The following NEMF variants were observed in gnomAD, a reference collection of about 807,000 sequenced individuals.
NEMF encodes ribosome quality control complex subunit NEMF.
NEMF carries 89 observed loss-of-function variants against 162.2 expected under a neutral mutation model. That is an observed-to-expected ratio of 0.55 (90% CI 0.46 to 0.65). NEMF has a LOEUF of 0.65. Among genes scored for constraint, NEMF ranks in the 30% least tolerant of loss-of-function variants. NEMF has a pLI of 0.00. For missense variants in NEMF, 1,133 were observed against 1,261.9 expected, an observed-to-expected ratio of 0.90 and a Z score of 1.55; for synonymous variants, 421 against 404.5, an observed-to-expected ratio of 1.04 and a Z score of -0.49.
At chr14:49,804,137 TG>T (rs1271373155) in intron 19 of NEMF, among the ~76,000 whole-genome samples, 1 of 151,136 alleles carries the variant, frequency 6.6e-6, no homozygotes, top group Non-Finnish European at 1.5e-5. Flanking sequence ...CCCAGGTACC[TG>T]GGATTACAGG....
In NEMF at chr14:49,808,979, A is replaced by C. The variant is rs118067284; in HGVS notation, c.1745-2846T>G. ...GGAAATGCAAATTACAACAACATTG[A>C]AATACACTATGCATCAATGATAATG... is the stretch of plus-strand genomic sequence containing the variant. On this transcript the variant is annotated intron_variant, in intron 18 of 32. Coordinates refer to ENST00000298310, the MANE Select transcript of NEMF (RefSeq NM_004713.6). Among the ~76,000 whole-genome samples, 46 of 152,302 alleles carry C rather than the reference A, an allele frequency of 3.0e-4. 1 individual carries two copies. In the East Asian group the frequency reaches 8.7e-3, roughly 29 times the overall value.
intron 3 of NEMF, among the ~76,000 whole-genome samples, chr14:49,848,847 A>T (rs1893638459): frequency 6.6e-6 from 1 of 151,628 alleles, no homozygotes; most frequent in Non-Finnish European, 1.5e-5. Context: ...AAAAAAAAAA[A>T]AAAAAAAGAC....
In NEMF at chr14:49,851,954, C is replaced by T. The variant is rs151181533; in HGVS notation, c.60-79G>A. ...ACTACACATAATTTAATAAAAGCTT[C>T]GAAAGAGCGGATCTCAGTCTCTAAG... On this transcript the variant is annotated intron_variant, in intron 1 of 32. Coordinates refer to ENST00000298310, the MANE Select transcript of NEMF (RefSeq NM_004713.6). 422 of 876,524 alleles carry T rather than the reference C, an allele frequency of 4.8e-4. 1 individual carries two copies. The African/African-American group carries it at 5.5e-3, about 11-fold the overall frequency. 54.3% of individuals were successfully genotyped at this position (876,524 alleles called of 1,614,324 possible).
At chr14:49,815,695 T>A (rs1891681657) in intron 16 of NEMF, among the ~76,000 whole-genome samples, 1 of 152,212 alleles carries the variant, frequency 6.6e-6, no homozygotes, top group Non-Finnish European at 1.5e-5. Flanking sequence ...CTGGACACGG[T>A]GCCTCACGCC....
chr14:49,799,300 C>T (rs1471077383), intron 25 of NEMF, among the ~76,000 whole-genome samples, 175 bp downstream of exon 25: 3 of 149,234 alleles, frequency 2.0e-5, no homozygotes, highest in Non-Finnish European at 4.4e-5. Flanking sequence ...AGATTAGGGC[C>T]CTTAAACAGA....
At position 49,801,947 on chromosome 14, in the gene NEMF, T is replaced by G. The variant is rs569852714; in HGVS notation, c.2095+506A>C. Among the ~76,000 whole-genome samples, 236 of 147,030 alleles carry G rather than the reference T, an allele frequency of 1.6e-3. 3 individuals carry two copies. The highest frequency in any genetic ancestry group is 0.01 in the Middle Eastern group (3 of 290). ...TTAAAGTATGTTAGTATGGATCCAATTAAATACTTTTTTTTTTTTTTTGAG... is the reference window on the plus strand; with the variant it reads ...TTAAAGTATGTTAGTATGGATCCAAGTAAATACTTTTTTTTTTTTTTTGAG... On this transcript the variant is annotated intron_variant, in intron 22 of 32. Coordinates refer to ENST00000298310, the MANE Select transcript of NEMF (RefSeq NM_004713.6).
At position 49,833,417 on chromosome 14, in the gene NEMF, T is replaced by C. The variant is rs771020296; in HGVS notation, c.735+6A>G. ...AACAATATATAGTAAGTATACATGG[T>C]GCTACCTTCCCACTGAAGTTGGATG... On this transcript the variant is annotated splice_donor_region_variant and intron_variant, in intron 8 of 32. Transcript: ENST00000298310. 6.4e-7 allele frequency: 1 copy of C among 1,563,988 alleles called. No homozygotes were observed.
At chr14:49,825,811 G>T in intron 16 of NEMF, 56 bp downstream of exon 16, 1 of 1,127,888 alleles carries the variant, frequency 8.9e-7, no homozygotes, top group African/African-American at 1.6e-5. Flanking sequence ...TAAACAATGT[G>T]CATGGATAAT....
At chr14:49,814,196 T>C in intron 17 of NEMF, 146 bp from the exon 18 acceptor site, 1 of 561,694 alleles carries the variant, frequency 1.8e-6, no homozygotes, top group Admixed American at 3.0e-5. Flanking sequence ...GCCCCCAAGG[T>C]TCAGGCAATT....
intron 16 of NEMF, among the ~76,000 whole-genome samples, chr14:49,818,882 T>C (rs1252374773): frequency 6.6e-6 from 1 of 151,978 alleles, no homozygotes. Flanking sequence ...CTAAAGACAA[T>C]GAGGATTCTA....
Position 49,796,150 on chromosome 14 carries a change from A to AT in NEMF, c.2466-207dup, listed in dbSNP as rs2139843699. 6 of 600,880 alleles carry AT rather than the reference A, an allele frequency of 1.0e-5. No individual in the cohort carries two copies. The East Asian group carries it at 2.0e-4, about 20-fold the overall frequency. 37.2% of individuals were successfully genotyped at this position (600,880 alleles called of 1,614,324 possible). The stretch of plus-strand genomic sequence containing the variant: ...CAAGTTTTTCATCTCTCATGGATTT[A>AT]TCTTTCTTTCCATCATCCAAGCTCA... On this transcript the variant is annotated intron_variant, in intron 25 of 32. Coordinates refer to ENST00000298310, the MANE Select transcript of NEMF (RefSeq NM_004713.6).
At chr14:49,851,531 T>C in intron 3 of NEMF, 32 bp downstream of exon 3, 8 of 1,467,954 alleles carry the variant, frequency 5.4e-6, no homozygotes, top group Non-Finnish European at 7.6e-6. Context: ...GAGCAATCTC[T>C]TAAAATTTAG....
chr14:49,843,401 A>G (rs1268512130), intron 4 of NEMF, among the ~76,000 whole-genome samples: 2 of 152,108 alleles, frequency 1.3e-5, no homozygotes, highest in South Asian at 2.1e-4. Context: ...GGCTAAGGCA[A>G]GAGGGTCACT....
chr14:49,782,336 G>A lies in NEMF; in HGVS notation c.*2300C>T. The A allele has an allele frequency of 6.8e-7, 1 of 1,473,440 alleles. No individual in the cohort carries two copies. The highest frequency in any genetic ancestry group is 2.3e-5 in the East Asian group (1 of 43,902). 91.3% of individuals were successfully genotyped at this position (1,473,440 alleles called of 1,614,324 possible). ...TATAAAATGGCCAACTGGTGTTCTG[G>A]GTGGCTTCAAACTCGTTTTTGTTTT... On this transcript the variant is annotated 3_prime_UTR_variant, in exon 33 of 33. Coordinates refer to ENST00000298310, the MANE Select transcript of NEMF (RefSeq NM_004713.6).
chr14:49,820,055 G>A (rs969661897), intron 16 of NEMF: 5 of 167,296 alleles, frequency 3.0e-5, no homozygotes, highest in South Asian at 1.3e-4. Flanking sequence ...AGGTTCAAGC[G>A]ATTCTTCTGC....
chr14:49,808,411 G>A (rs1352824189), intron 18 of NEMF, among the ~76,000 whole-genome samples: 1 of 152,052 alleles, frequency 6.6e-6, no homozygotes, highest in Non-Finnish European at 1.5e-5. Context: ...TTGACCTCAG[G>A]TGATCCACCT....
chr14:49,808,182 T>G (rs1367108939), intron 18 of NEMF, among the ~76,000 whole-genome samples: 1 of 151,904 alleles, frequency 6.6e-6, no homozygotes, highest in African/African-American at 2.4e-5. Flanking sequence ...ATTTATTTAT[T>G]TTATTTTTTG....
At chr14:49,796,456 A>G (rs1175560021) in intron 25 of NEMF, 2 of 338,614 alleles carry the variant, frequency 5.9e-6, no homozygotes, top group Admixed American at 4.0e-5. Context: ...GACTTCCTCC[A>G]GAGTCTACAT....
intron 3 of NEMF, 118 bp downstream of exon 3, chr14:49,851,445 C>G (rs1314980467): frequency 5.9e-6 from 4 of 672,290 alleles, no homozygotes; most frequent in Non-Finnish European, 7.8e-6. Context: ...CTGTCAACCA[C>G]TCCCTTTACC....
Sources: allele counts gnomAD v4.1 joint callset (sites outside exome capture counted in the v4.1 genomes callset), GRCh38; gene constraint gnomAD v4.1.1; transcripts MANE v1.5; gene names NCBI Gene and HGNC (gene_info 2026-07-23, HGNC 2026-07-21).